PTPRB: variants seen among roughly 807,000 people sequenced by gnomAD.
The protein encoded by PTPRB is protein tyrosine phosphatase receptor type B, also known as receptor-type tyrosine-protein phosphatase beta.
PTPRB carries 97 observed loss-of-function variants against 238.1 expected under a neutral mutation model. The observed-to-expected ratio is 0.41, with a 90% CI of 0.35 to 0.48. The LOEUF (loss-of-function observed/expected upper bound fraction) is 0.48. PTPRB is among the 20% of genes least tolerant of loss of function. The pLI, the probability that PTPRB is intolerant of heterozygous loss-of-function variation, is 0.30. For synonymous variants in PTPRB, 970 were observed against 995.4 expected (o/e 0.97, Z 0.48); for missense variants, 2,292 against 2,681.9 (o/e 0.85, Z 3.21).
At chr12:70,583,790 A>T (rs538127291) in intron 9 of PTPRB, among the ~76,000 whole-genome samples, 3 of 152,314 alleles carry the variant, frequency 2.0e-5, no homozygotes, top group African/African-American at 7.2e-5. Context: ...CACCTGAAAG[A>T]ATCAAATGAA....
intron 1 of PTPRB, 62 bp downstream of exon 1, chr12:70,637,279 C>A: frequency 6.8e-7 from 1 of 1,462,584 alleles, no homozygotes; most frequent in Non-Finnish European, 9.4e-7. Flanking sequence ...ACTTCAAAGA[C>A]CAGGGACTCC....
intron 5 of PTPRB, 101 bp from the exon 6 acceptor site, chr12:70,594,825 T>C (rs986144559): frequency 1.1e-5 from 16 of 1,394,920 alleles, no homozygotes; most frequent in Admixed American, 4.1e-5. Context: ...TGTTCCTCTG[T>C]ACATCTTAAC....
At chr12:70,538,381 C>T in intron 27 of PTPRB, 150 bp from the exon 28 acceptor site, 1 of 616,512 alleles carries the variant, frequency 1.6e-6, no homozygotes, top group Non-Finnish European at 2.8e-6. Flanking sequence ...GGCAGGATAA[C>T]TAACTTGCCC....
rs184879902 is a variant in PTPRB at position 70,590,628 on chromosome 12, G to A, written c.1781-395C>T. Reference sequence around the variant, plus strand: ...TTTTTTTTGCTTAAAAACATTCAAGGTCTCTCTATAATCTGCAGAATAAAA... The same window carrying A: ...TTTTTTTTGCTTAAAAACATTCAAGATCTCTCTATAATCTGCAGAATAAAA... On this transcript the variant is annotated intron_variant, in intron 7 of 33. Coordinates refer to ENST00000334414, the MANE Select transcript of PTPRB (RefSeq NM_001109754.4). 2.8e-5 allele frequency among the ~76,000 whole-genome samples: 4 copies of A among 142,286 alleles called. No homozygotes were observed. The East Asian group carries it at 8.3e-4, about 30-fold the overall frequency. 93.3% of individuals were successfully genotyped at this position (142,286 alleles called of 152,430 possible).
chr12:70,518,222 C>T lies in PTPRB; in HGVS notation c.*3267G>A, dbSNP rs1392947117. On this transcript the variant is annotated 3_prime_UTR_variant, in exon 34 of 34. Coordinates refer to ENST00000334414, the MANE Select transcript of PTPRB (RefSeq NM_001109754.4). ...TTGAGGTGGGTGGATCACCTAAGGTCACGAGTTCAAGACCAGCCTGGCCAA... is the reference window on the plus strand; with the variant it reads ...TTGAGGTGGGTGGATCACCTAAGGTTACGAGTTCAAGACCAGCCTGGCCAA... 1 of 152,144 alleles carries T rather than the reference C, an allele frequency of 6.6e-6. No individual in the cohort carries two copies. Among genetic ancestry groups the T allele is most frequent in the Non-Finnish European group, 1.5e-5 (1 of 68,054 alleles). 9.4% of individuals were successfully genotyped at this position (152,144 alleles called of 1,614,324 possible).
chr12:70,524,736 A>G, intron 32 of PTPRB, 145 bp from the exon 33 acceptor site: 1 of 864,234 alleles, frequency 1.2e-6, no homozygotes, highest in East Asian at 2.8e-5. Flanking sequence ...TGGTAAATAA[A>G]AGAGTGACTG....
In PTPRB at chr12:70,534,895, G is replaced by C. The variant is rs1316196383; in HGVS notation, c.6142C>G (p.Leu2048Val). 1.5e-5 allele frequency: 25 copies of C among 1,613,846 alleles called. No homozygotes were observed. The highest frequency in any genetic ancestry group is 2.7e-5 in the African/African-American group (2 of 74,924). ...QDSLYYGDLI[L>V]QMLSESVLPE... is the part of the protein sequence containing the mutation. Reference sequence around the variant, plus strand: ...AGGACGGACTCTGAGAGCATCTGCAGGATGAGGTCCCCATAGTAGAGGGAA... The same window carrying C: ...AGGACGGACTCTGAGAGCATCTGCACGATGAGGTCCCCATAGTAGAGGGAA... Residue 2048 changes from leucine to valine, a missense_variant, in exon 30 of 34, where the codon CTG (leucine) becomes GTG (valine). Physicochemically the swap from Leu to Val is conservative, Grantham distance 32. This residue lies in a region of PTPRB where 397 missense variants were observed against 502.0 expected (regional missense o/e 0.79). Transcript: ENST00000334414.
Position 70,559,551 on chromosome 12 carries a change from G to C in PTPRB, c.4506C>G (p.Pro1502=), listed in dbSNP as rs1474736477. 1.2e-6 allele frequency: 2 copies of C among 1,613,850 alleles called. No individual in the cohort carries two copies. The highest frequency in any genetic ancestry group is 3.3e-5 in the Admixed American group (2 of 60,014). The change falls in exon 18 of 34, where the codon CCC becomes CCG. Residue 1502 remains proline, a synonymous_variant. Coordinates refer to ENST00000334414, the MANE Select transcript of PTPRB (RefSeq NM_001109754.4). ...AGTCGTTGTAGTCTGTCCAGTCTGGGGGCCCTTTCCACGTGATGGCCAAGG... is the reference window on the plus strand; with the variant it reads ...AGTCGTTGTAGTCTGTCCAGTCTGGCGGCCCTTTCCACGTGATGGCCAAGG... The part of the protein sequence containing the change: ...NTSLAITWKG[P]PDWTDYNDFE...
intron 29 of PTPRB, among the ~76,000 whole-genome samples, chr12:70,535,402 C>T (rs372084183): frequency 1.3e-5 from 2 of 151,926 alleles, no homozygotes; most frequent in African/African-American, 4.8e-5. Context: ...TAACGTGGGC[C>T]GTGTGCCAAG....
intron 10 of PTPRB, among the ~76,000 whole-genome samples, chr12:70,579,326 A>C (rs2567149): frequency 0.48 from 72,627 of 151,890 alleles, 18,492 homozygotes; most frequent in African/African-American, 0.66. Context: ...CTTTTCAGCT[A>C]CCTACCCCCA....
In PTPRB at chr12:70,560,960, G is replaced by T; in HGVS notation, c.4169-26C>A. 6.2e-7 allele frequency: 1 copy of T among 1,602,664 alleles called. No homozygotes were observed. Among genetic ancestry groups the T allele is most frequent in the South Asian group, 1.1e-5 (1 of 90,492 alleles). On this transcript the variant is annotated intron_variant, in intron 16 of 33. Coordinates refer to ENST00000334414, the MANE Select transcript of PTPRB (RefSeq NM_001109754.4). This position sits in a 1 kb window ranked among gnomAD's most constrained non-coding sequence, Gnocchi z 4.2. ...CTTAAACAGAAGAAAAATTGTTACT[G>T]AGAACAAAACAGAAACACAGGCATT...
chr12:70,636,126 G>A lies in PTPRB; in HGVS notation c.56-60C>T, dbSNP rs1885678850. Reference sequence around the variant, plus strand: ...CAAATTATGAGGCCCATTAGAAAACGGAAGAACCCACCCACAAATGAGCTA... The same window carrying A: ...CAAATTATGAGGCCCATTAGAAAACAGAAGAACCCACCCACAAATGAGCTA... On this transcript the variant is annotated intron_variant, in intron 1 of 33. Transcript: ENST00000334414. 6.9e-6 allele frequency: 10 copies of A among 1,441,916 alleles called. 1 individual carries two copies. The highest frequency in any genetic ancestry group is 4.9e-4 in the Middle Eastern group (2 of 4,070). The allele number at this position is 1,441,916 out of a possible 1,614,324, so 89.3% of individuals were successfully genotyped here.
At position 70,520,208 on chromosome 12, in the gene PTPRB, C is replaced by T. The variant is rs554335440; in HGVS notation, c.*1281G>A. Reference sequence around the variant, plus strand: ...TTCAAATTTTTCCCAGGAATGCTGTCGGAACTGGACCTTGATGAAGGAAAT... The same window carrying T: ...TTCAAATTTTTCCCAGGAATGCTGTTGGAACTGGACCTTGATGAAGGAAAT... On this transcript the variant is annotated 3_prime_UTR_variant, in exon 34 of 34. Coordinates refer to ENST00000334414, the MANE Select transcript of PTPRB (RefSeq NM_001109754.4). 7.9e-5 allele frequency: 38 copies of T among 480,074 alleles called. No individual in the cohort carries two copies. The highest frequency in any genetic ancestry group is 1.4e-4 in the South Asian group (9 of 66,102). The allele number at this position is 480,074 out of a possible 1,614,324, so 29.7% of individuals were successfully genotyped here.
At chr12:70,596,007 G>A in intron 5 of PTPRB, 42 bp downstream of exon 5, 1 of 1,433,068 alleles carries the variant, frequency 7.0e-7, no homozygotes, top group East Asian at 2.4e-5. Context: ...AACTTGAAAA[G>A]TATCCTATTA....
rs374339521 is a variant in PTPRB, at chr12:70,538,245, T to G, written c.5870-14A>C. 7.1e-5 allele frequency: 115 copies of G among 1,610,770 alleles called. No homozygotes were observed. The African/African-American group carries it at 1.2e-3, about 17-fold the overall frequency. ...GCGTGGCATCATCTGGAAGGAGAGA[T>G]TTGCTGCTGAGTCTTGGAGTGACTT... On this transcript the variant is annotated splice_polypyrimidine_tract_variant and intron_variant, in intron 27 of 33. Transcript: ENST00000334414.
At chr12:70,594,841 A>G in intron 5 of PTPRB, 117 bp from the exon 6 acceptor site, 3 of 1,262,382 alleles carry the variant, frequency 2.4e-6, no homozygotes, top group Non-Finnish European at 2.2e-6. Flanking sequence ...TTAACTTGAT[A>G]ATAGCATTAG....
Position 70,538,691 on chromosome 12 carries a change from A to G in PTPRB, c.5869+233T>C, listed in dbSNP as rs1592418325. The stretch of plus-strand genomic sequence containing the variant: ...CTCCAAAGAGAAGCAATAGCATCAC[A>G]TGGGGAAATGTCAACAGCATAAGAG... On this transcript the variant is annotated intron_variant, in intron 27 of 33. Transcript: ENST00000334414. 3 of 552,616 alleles carry G rather than the reference A, an allele frequency of 5.4e-6. No homozygotes were observed. In the East Asian group the frequency reaches 8.9e-5, roughly 16 times the overall value. The allele number at this position is 552,616 out of a possible 1,614,324, so 34.2% of individuals were successfully genotyped here.
chr12:70,629,666 T>C lies in PTPRB; in HGVS notation c.451+6005A>G, dbSNP rs182940417. 3.3e-5 allele frequency among the ~76,000 whole-genome samples: 5 copies of C among 152,290 alleles called. No individual in the cohort carries two copies. The East Asian group carries it at 5.8e-4, about 18-fold the overall frequency. On this transcript the variant is annotated intron_variant, in intron 2 of 33. Transcript: ENST00000334414. ...ATCAGTGAATCCAGGAGCTGTTATT[T>C]TGAAAACATCAACAAACTACATAAG...
chr12:70,627,568 G>T (rs989011235), intron 2 of PTPRB, among the ~76,000 whole-genome samples: 2 of 151,948 alleles, frequency 1.3e-5, no homozygotes, highest in Admixed American at 1.3e-4. Flanking sequence ...AGAGGCAAAA[G>T]AACCCAGGGC....
Sources: allele counts gnomAD v4.1 joint callset (sites outside exome capture counted in the v4.1 genomes callset), GRCh38; gene constraint gnomAD v4.1.1; regional missense constraint gnomAD v4.1.1; non-coding constraint Gnocchi (gnomAD v3.1); transcripts MANE v1.5; gene names NCBI Gene and HGNC (gene_info 2026-07-23, HGNC 2026-07-21).